The following TBCA variants were observed in gnomAD, a reference collection of about 807,000 sequenced individuals.
TBCA encodes tubulin-specific chaperone A.
In TBCA, 6 loss-of-function variants were observed where a neutral mutation model predicts 15.8. The observed-to-expected ratio is 0.38, with a 90% CI of 0.21 to 0.75. The LOEUF (loss-of-function observed/expected upper bound fraction) is 0.75. TBCA is among the 30% of genes least tolerant of loss of function. The probability of loss-of-function intolerance (pLI) is 0.46; values close to 1 mark genes in which losing one functional copy is unlikely to be tolerated. For missense variants in TBCA, 90 were observed against 131.2 expected, an observed-to-expected ratio of 0.69 and a Z score of 1.53; for synonymous variants, 32 against 42.3, an observed-to-expected ratio of 0.76 and a Z score of 0.94.
chr5:77,732,736 C>CT (rs760960770), intron 1 of TBCA, among the ~76,000 whole-genome samples: 1 of 151,968 alleles, frequency 6.6e-6, no homozygotes, highest in South Asian at 2.1e-4. Flanking sequence ...GATCACTGAC[C>CT]TTTTATGTTA....
chr5:77,712,576 A>T (rs1746304244), intron 1 of TBCA, among the ~76,000 whole-genome samples: 1 of 152,096 alleles, frequency 6.6e-6, no homozygotes, highest in South Asian at 2.1e-4. Context: ...AAAAAATTAT[A>T]AAAAAACAAA....
intron 1 of TBCA, among the ~76,000 whole-genome samples, chr5:77,752,079 G>A (rs1747359028): frequency 6.6e-6 from 1 of 152,124 alleles, no homozygotes; most frequent in Non-Finnish European, 1.5e-5. Flanking sequence ...TGTGGGTCCT[G>A]CATCAACCCA....
At chr5:77,693,388 G>C in intron 2 of TBCA, 36 bp from the exon 3 acceptor site, 2 of 1,592,994 alleles carry the variant, frequency 1.3e-6, no homozygotes, top group South Asian at 2.3e-5. Context: ...TTCAAAGATG[G>C]CAGAACTTGT....
chr5:77,742,146 G>T (rs1307883352), intron 1 of TBCA, among the ~76,000 whole-genome samples: 1 of 152,042 alleles, frequency 6.6e-6, no homozygotes, highest in Non-Finnish European at 1.5e-5. Flanking sequence ...TTCTGATTTT[G>T]GATTTTTTTG....
intron 2 of TBCA, among the ~76,000 whole-genome samples, chr5:77,703,668 C>T (rs1210458596): frequency 2.0e-5 from 3 of 152,158 alleles, no homozygotes; most frequent in Admixed American, 1.3e-4. Flanking sequence ...CCTTGACCTC[C>T]TGAGCTCAGG....
At chr5:77,705,356 C>T (rs988041939) in intron 2 of TBCA, among the ~76,000 whole-genome samples, 4 of 151,838 alleles carry the variant, frequency 2.6e-5, no homozygotes, top group African/African-American at 7.3e-5. Flanking sequence ...TGATGAAGTC[C>T]AAGAAGGACC....
chr5:77,753,610 T>C (rs780242664), intron 1 of TBCA, among the ~76,000 whole-genome samples: 46 of 152,228 alleles, frequency 3.0e-4, no homozygotes, highest in Non-Finnish European at 2.5e-4. Flanking sequence ...TTACAGAATT[T>C]AAAAATTAAA....
rs1416131361 is a variant in TBCA, at chr5:77,745,576, A to G, written c.53+30629T>C. Reference sequence around the variant, plus strand: ...AATGTTAAGCTAGGGTGTATCATGAATTACGTGTTAAACAGCACTTACACT... The same window carrying G: ...AATGTTAAGCTAGGGTGTATCATGAGTTACGTGTTAAACAGCACTTACACT... On this transcript the variant is annotated intron_variant, in intron 1 of 3. Coordinates refer to ENST00000380377, the MANE Select transcript of TBCA (RefSeq NM_004607.3). Among the ~76,000 whole-genome samples, 3 of 152,322 alleles carry G rather than the reference A, an allele frequency of 2.0e-5. No individual in the cohort carries two copies. In the East Asian group the frequency reaches 5.8e-4, roughly 29 times the overall value.
At chr5:77,758,319 C>G (rs1009746154) in intron 1 of TBCA, among the ~76,000 whole-genome samples, 2 of 152,198 alleles carry the variant, frequency 1.3e-5, no homozygotes, top group African/African-American at 4.8e-5. Flanking sequence ...AATCAACTCA[C>G]GACTTAGAAC....
At chr5:77,751,490 C>T (rs1266590754) in intron 1 of TBCA, among the ~76,000 whole-genome samples, 1 of 151,762 alleles carries the variant, frequency 6.6e-6, no homozygotes, top group East Asian at 1.9e-4. Context: ...CCTGACCAGT[C>T]TTTCAGGTTA....
chr5:77,760,249 A>G (rs1321766580), intron 1 of TBCA, among the ~76,000 whole-genome samples: 1 of 152,246 alleles, frequency 6.6e-6, no homozygotes, highest in Non-Finnish European at 1.5e-5. Context: ...TTTAGAAGAC[A>G]TAGGAGGGAA....
intron 1 of TBCA, among the ~76,000 whole-genome samples, chr5:77,753,908 A>G (rs1208569615): frequency 6.6e-6 from 1 of 151,978 alleles, no homozygotes; most frequent in Non-Finnish European, 1.5e-5. Flanking sequence ...ACAGGCATGC[A>G]CCACCACACC....
At position 77,700,986 on chromosome 5, in the gene TBCA, C is replaced by T. The variant is rs985130808; in HGVS notation, c.159+7256G>A. On this transcript the variant is annotated intron_variant, in intron 2 of 3. Transcript: ENST00000380377. ...AAAATGGAAGATAACATTGTAAAAACCCTTCTAGACATTGGCTTAGGCAAC... is the reference window on the plus strand; with the variant it reads ...AAAATGGAAGATAACATTGTAAAAATCCTTCTAGACATTGGCTTAGGCAAC... Among the ~76,000 whole-genome samples, 4 of 152,204 alleles carry T rather than the reference C, an allele frequency of 2.6e-5. No homozygotes were observed. In the East Asian group the frequency reaches 5.8e-4, roughly 22 times the overall value.
At chr5:77,691,661 T>C (rs1242260931) in intron 3 of TBCA, 163 bp from the exon 4 acceptor site, 1 of 1,366,074 alleles carries the variant, frequency 7.3e-7, no homozygotes, top group African/African-American at 1.5e-5. Flanking sequence ...TTTCCCACAT[T>C]CTGTTCCTTC....
chr5:77,745,383 T>C (rs1181223427), intron 1 of TBCA, among the ~76,000 whole-genome samples: 1 of 152,254 alleles, frequency 6.6e-6, no homozygotes, highest in Non-Finnish European at 1.5e-5. Flanking sequence ...TGCTGTAATA[T>C]TTATTTGTAA....
chr5:77,708,659 TC>T, intron 1 of TBCA: 1 of 161,388 alleles, frequency 6.2e-6, no homozygotes, highest in Non-Finnish European at 1.4e-5. Context: ...AAGCTCTGCC[TC>T]CCGGGTTCAT....
At chr5:77,758,965 T>C (rs1006514734) in intron 1 of TBCA, among the ~76,000 whole-genome samples, 4 of 152,196 alleles carry the variant, frequency 2.6e-5, no homozygotes, top group African/African-American at 9.7e-5. Flanking sequence ...ATCAGGAAAC[T>C]GCTTCTCCCT....
At chr5:77,702,286 A>G (rs2112430640) in intron 2 of TBCA, among the ~76,000 whole-genome samples, 1 of 152,350 alleles carries the variant, frequency 6.6e-6, no homozygotes, top group African/African-American at 2.4e-5. Flanking sequence ...AACAATCCAA[A>G]TGTTCATCAA....
At chr5:77,747,498 G>T (rs1466154448) in intron 1 of TBCA, among the ~76,000 whole-genome samples, 1 of 152,074 alleles carries the variant, frequency 6.6e-6, no homozygotes, top group Non-Finnish European at 1.5e-5. Context: ...AATCAGATAT[G>T]GCAAGCGTCT....
Sources: gnomAD v4.1 joint callset for allele counts (sites outside exome capture counted in the v4.1 genomes callset) on GRCh38, gnomAD v4.1.1 for gene constraint, MANE v1.5 for transcripts, NCBI Gene and HGNC (gene_info 2026-07-23, HGNC 2026-07-21) for gene names.